Variants in FREM2 observed in about 807,000 individuals in gnomAD.
The protein encoded by FREM2 is FRAS1 related extracellular matrix 2.
A neutral mutation model predicts 219.9 loss-of-function variants in FREM2; 119 were observed. The ratio of observed to expected loss-of-function variants is 0.54; its 90% confidence interval spans 0.47 to 0.63. The LOEUF is 0.63. Among genes scored for constraint, FREM2 ranks in the 30% least tolerant of loss-of-function variants. The pLI is 0.00. For synonymous variants in FREM2, 1,562 were observed against 1,522.8 expected, an observed-to-expected ratio of 1.03 and a Z score of -0.60; for missense variants, 4,030 against 3,993.6, an observed-to-expected ratio of 1.01 and a Z score of -0.25.
chr13:38,763,315 G>A (rs774897661), intron 2 of FREM2, among the ~76,000 whole-genome samples: 10 of 151,944 alleles, frequency 6.6e-5, no homozygotes, highest in South Asian at 6.2e-4. Flanking sequence ...TCATGTCTTC[G>A]CTCACTCAGC....
At chr13:38,821,916 A>T (rs191448217) in intron 6 of FREM2, 1 of 152,112 alleles carries the variant, frequency 6.6e-6, no homozygotes, top group African/African-American at 2.4e-5. Flanking sequence ...AGGCTCCCGG[A>T]AGGCCAGTTC....
At chr13:38,866,818 C>G (rs762477776) in intron 16 of FREM2, among the ~76,000 whole-genome samples, 7 of 152,146 alleles carry the variant, frequency 4.6e-5, no homozygotes, top group Non-Finnish European at 8.8e-5. Context: ...CACAGGTAGC[C>G]TTTTCTATCA....
Position 38,848,672 on chromosome 13 carries a change from TGA to T in FREM2, c.6379+4_6379+5del. 1 of 1,606,758 alleles carries T rather than the reference TGA, an allele frequency of 6.2e-7. No homozygotes were observed. The highest frequency in any genetic ancestry group is 8.5e-7 in the Non-Finnish European group (1 of 1,173,724). ...CCATAAATGACTCTGTCTCCGATTG[TGA>T]GTGTTTATTAATTTTATAATTTACA... is the stretch of plus-strand genomic sequence containing the variant. On this transcript the variant is annotated splice_donor_region_variant and intron_variant, in intron 8 of 23. Coordinates refer to ENST00000280481, the MANE Select transcript of FREM2 (RefSeq NM_207361.6).
At chr13:38,814,328 G>A (rs1319833944) in intron 6 of FREM2, among the ~76,000 whole-genome samples, 15 of 152,192 alleles carry the variant, frequency 9.9e-5, no homozygotes, top group Non-Finnish European at 4.4e-5. Flanking sequence ...ATTTGTGCCT[G>A]TCCTTCTTTG....
At chr13:38,769,495 T>C (rs1873566719) in intron 3 of FREM2, 83 bp from the exon 4 acceptor site, 4 of 1,255,452 alleles carry the variant, frequency 3.2e-6, no homozygotes, top group Admixed American at 3.9e-5. Context: ...CAGGATAAAA[T>C]GACATGCAAA....
At position 38,689,244 on chromosome 13, in the gene FREM2, G is replaced by A. The variant is rs780054707; in HGVS notation, c.1900G>A (p.Ala634Thr). 2.4e-5 allele frequency: 38 copies of A among 1,613,980 alleles called. 2 individuals are homozygous for A. The South Asian group carries it at 3.6e-4, about 15-fold the overall frequency. The change falls in exon 1 of 24, where the codon GCA becomes ACA. Residue 634 changes from alanine to threonine, a missense_variant. Physicochemically the swap from Ala to Thr is moderately conservative, Grantham distance 58. This residue lies in a region of FREM2 where 3,102 missense variants were observed against 2,950.7 expected (regional missense o/e 1.05). Coordinates refer to ENST00000280481, the MANE Select transcript of FREM2 (RefSeq NM_207361.6). ...CAGAGGCCTTTGGAGGAAGGAGGGG[G>A]CATTTTATGAGCGAACAGTGACAGA... ...LLRGLWRKEG[A>T]FYERTVTEWQ... is the part of the protein sequence containing the mutation.
At position 38,856,442 on chromosome 13, in the gene FREM2, T is replaced by C. The variant is rs9548511; in HGVS notation, c.7056+186T>C. ...CTGATTAGATCATAGTCAAGAAATGTGCATCTTTTTCTTTGAAAAATCATG... is the reference window on the plus strand; with the variant it reads ...CTGATTAGATCATAGTCAAGAAATGCGCATCTTTTTCTTTGAAAAATCATG... On this transcript the variant is annotated intron_variant, in intron 12 of 23. Coordinates refer to ENST00000280481, the MANE Select transcript of FREM2 (RefSeq NM_207361.6). Among the ~76,000 whole-genome samples, 39,624 of 152,022 alleles carry C rather than the reference T, an allele frequency of 0.26. 6,905 individuals carry two copies. The highest frequency in any genetic ancestry group is 0.48 in the African/African-American group (20,045 of 41,390).
chr13:38,819,572 G>A (rs1329776556), intron 6 of FREM2, among the ~76,000 whole-genome samples: 1 of 152,010 alleles, frequency 6.6e-6, no homozygotes, highest in African/African-American at 2.4e-5. Context: ...CAAGGTTGTG[G>A]TACCGATTAG....
chr13:38,730,976 A>G (rs1335288792), intron 2 of FREM2, among the ~76,000 whole-genome samples: 1 of 152,010 alleles, frequency 6.6e-6, no homozygotes, highest in African/African-American at 2.4e-5. Flanking sequence ...TTGCTGAGAA[A>G]TATTAATGTT....
At chr13:38,847,065 A>C (rs1414884944) in intron 7 of FREM2, among the ~76,000 whole-genome samples, 1 of 152,112 alleles carries the variant, frequency 6.6e-6, no homozygotes, top group Non-Finnish European at 1.5e-5. Flanking sequence ...ACTGCACATA[A>C]TCTATCCCCA....
chr13:38,834,181 C>G (rs145105057), intron 6 of FREM2, among the ~76,000 whole-genome samples: 7 of 152,088 alleles, frequency 4.6e-5, no homozygotes, highest in East Asian at 1.9e-4. Flanking sequence ...TCCCCACCCC[C>G]CAATAGGCCC....
chr13:38,844,672 C>A (rs1262390310), intron 6 of FREM2, among the ~76,000 whole-genome samples: 1 of 152,044 alleles, frequency 6.6e-6, no homozygotes, highest in African/African-American at 2.4e-5. Flanking sequence ...AATAAAAGGT[C>A]CTCCCTTAAC....
chr13:38,791,878 G>A (rs1287046196), intron 6 of FREM2, among the ~76,000 whole-genome samples: 1 of 152,174 alleles, frequency 6.6e-6, no homozygotes. Context: ...AGTAAAGAGT[G>A]AGTGCACTTT....
intron 2 of FREM2, among the ~76,000 whole-genome samples, chr13:38,732,027 G>T (rs966911763): frequency 2.0e-5 from 3 of 152,264 alleles, no homozygotes; most frequent in East Asian, 3.9e-4. Context: ...CATACCACCA[G>T]TTACTTTGTG....
At chr13:38,751,480 C>T (rs529411479) in intron 2 of FREM2, among the ~76,000 whole-genome samples, 8 of 152,100 alleles carry the variant, frequency 5.3e-5, no homozygotes, top group Non-Finnish European at 1.2e-4. Context: ...TGCACTTGTC[C>T]TTCCCTGAAT....
At chr13:38,811,216 T>G (rs982004331) in intron 6 of FREM2, among the ~76,000 whole-genome samples, 1 of 152,000 alleles carries the variant, frequency 6.6e-6, no homozygotes, top group Non-Finnish European at 1.5e-5. Context: ...TTTTTCTTAG[T>G]CTGGCTAACA....
chr13:38,794,125 G>A (rs2137841873), intron 6 of FREM2, among the ~76,000 whole-genome samples: 1 of 152,070 alleles, frequency 6.6e-6, no homozygotes, highest in South Asian at 2.1e-4. Flanking sequence ...AAAAATCTTA[G>A]GAAAAGATAA....
At chr13:38,836,681 A>G (rs919446820) in intron 6 of FREM2, among the ~76,000 whole-genome samples, 2 of 152,230 alleles carry the variant, frequency 1.3e-5, no homozygotes, top group South Asian at 4.2e-4. Flanking sequence ...GGAAGGGTGT[A>G]TGTGTCCAGG....
At chr13:38,854,394 A>C (rs927712513) in intron 11 of FREM2, among the ~76,000 whole-genome samples, 1 of 152,216 alleles carries the variant, frequency 6.6e-6, no homozygotes, top group African/African-American at 2.4e-5. Flanking sequence ...GGAAAATATG[A>C]TAGAAAATGG....
Sources: gnomAD v4.1 joint callset for allele counts (sites outside exome capture counted in the v4.1 genomes callset) on GRCh38, gnomAD v4.1.1 for gene constraint, gnomAD v4.1.1 regional missense constraint, MANE v1.5 for transcripts, NCBI Gene and HGNC (gene_info 2026-07-23, HGNC 2026-07-21) for gene names.